The following ADAMTSL1 variants were observed in gnomAD, a reference collection of about 807,000 sequenced individuals.
The protein encoded by ADAMTSL1 is ADAMTS-like protein 1.
In ADAMTSL1, 126 loss-of-function variants were observed where a neutral mutation model predicts 201.8. The ratio of observed to expected loss-of-function variants is 0.62; its 90% CI spans 0.54 to 0.72. The LOEUF (loss-of-function observed/expected upper bound fraction) is 0.72. Ranked by LOEUF, ADAMTSL1 falls within the 30% of genes least tolerant of loss-of-function variation. The pLI is 0.00. For missense variants in ADAMTSL1, 2,679 were observed against 2,277.8 expected (o/e 1.18, Z -3.59); for synonymous variants, 1,121 against 903.4 (o/e 1.24, Z -4.32).
rs1002380715 is a variant in ADAMTSL1 at position 18,776,900 on chromosome 9, C to T, written c.2671C>T (p.Pro891Ser). 6.2e-7 allele frequency: 1 copy of T among 1,610,596 alleles called. No individual in the cohort carries two copies. Residue 891 changes from proline to serine, a missense_variant, in exon 19 of 29, where the codon CCC becomes TCC. By Grantham distance (74) the Pro-to-Ser change is moderately conservative. Coordinates refer to ENST00000380548, the MANE Select transcript of ADAMTSL1 (RefSeq NM_001040272.6). The stretch of plus-strand genomic sequence containing the variant: ...GGTGGGGGGCTTCGCCTACCTGCTC[C>T]CCAAGACGGCGGTGGTGCTGCGCTG... ...FVVGGFAYLL[P>S]KTAVVLRCPA...
chr9:18,123,542 C>G (rs895264098), intron 1 of ADAMTSL1, among the ~76,000 whole-genome samples: 2 of 152,128 alleles, frequency 1.3e-5, no homozygotes, highest in African/African-American at 4.8e-5. Context: ...ATTATTTATA[C>G]TCACATACAT....
Position 18,371,637 on chromosome 9 carries a change from G to A in ADAMTSL1, c.208-133192G>A, listed in dbSNP as rs118173123. On this transcript the variant is annotated intron_variant, in intron 2 of 29. Coordinates refer to the ADAMTSL1 transcript ENST00000680146. ...TAAAGTTATATCGAATAGGGTTTTA[G>A]AAGCATGAAATACATGCCCCTAAAA... 1.1e-3 allele frequency among the ~76,000 whole-genome samples: 160 copies of A among 152,270 alleles called. 2 individuals carry two copies. In the East Asian group the frequency reaches 0.03, roughly 29 times the overall value.
intron 15 of ADAMTSL1, among the ~76,000 whole-genome samples, chr9:18,741,389 G>A (rs1234958059): frequency 6.6e-6 from 1 of 152,102 alleles, no homozygotes; most frequent in African/African-American, 2.4e-5. Flanking sequence ...GGAAAGAGGA[G>A]GCAGAATCTT....
intron 3 of ADAMTSL1, among the ~76,000 whole-genome samples, chr9:18,555,373 T>A (rs951984840): frequency 2.6e-5 from 4 of 151,956 alleles, no homozygotes; most frequent in Non-Finnish European, 4.4e-5. Context: ...CCCAGCTGTG[T>A]ATTAACAATT....
chr9:18,323,720 A>T (rs1018212188), intron 2 of ADAMTSL1, among the ~76,000 whole-genome samples: 1 of 152,224 alleles, frequency 6.6e-6, no homozygotes, highest in African/African-American at 2.4e-5. Context: ...ATTTAAAAAT[A>T]CTTTTTTCAA....
intron 21 of ADAMTSL1, among the ~76,000 whole-genome samples, chr9:18,823,856 G>A (rs1235717198): frequency 1.3e-5 from 2 of 152,176 alleles, no homozygotes; most frequent in Non-Finnish European, 2.9e-5. Flanking sequence ...GGGCGTGGTG[G>A]TGCACGCCTG....
intron 7 of ADAMTSL1, among the ~76,000 whole-genome samples, chr9:18,650,144 A>C (rs1178848176): frequency 6.6e-6 from 1 of 152,052 alleles, no homozygotes; most frequent in Admixed American, 6.5e-5. Context: ...TTGATCTCTG[A>C]CTGCTTTGCT....
At chr9:18,502,668 A>T (rs1397990959) in intron 1 of ADAMTSL1, among the ~76,000 whole-genome samples, 1 of 152,206 alleles carries the variant, frequency 6.6e-6, no homozygotes, top group Admixed American at 6.5e-5. Context: ...GGGGTTACCA[A>T]GGTGGCTCCG....
At chr9:18,721,072 C>A (rs1833328761) in intron 14 of ADAMTSL1, among the ~76,000 whole-genome samples, 2 of 152,272 alleles carry the variant, frequency 1.3e-5, no homozygotes, top group South Asian at 4.1e-4. Flanking sequence ...CCTCAAGAGC[C>A]CAGCAGTTTA....
intron 1 of ADAMTSL1, among the ~76,000 whole-genome samples, chr9:18,491,755 T>C (rs1317474132): frequency 1.3e-5 from 2 of 152,178 alleles, no homozygotes; most frequent in Non-Finnish European, 2.9e-5. Context: ...AATATTTCTG[T>C]TGACTGGAAG....
chr9:18,734,119 G>A (rs957237954), intron 15 of ADAMTSL1, among the ~76,000 whole-genome samples: 21 of 152,176 alleles, frequency 1.4e-4, no homozygotes, highest in East Asian at 3.9e-4. Context: ...CAGGGCTTCA[G>A]TTTCTTCCTC....
At chr9:18,564,489 T>G (rs556378326) in intron 3 of ADAMTSL1, among the ~76,000 whole-genome samples, 6 of 152,156 alleles carry the variant, frequency 3.9e-5, no homozygotes, top group African/African-American at 1.4e-4. Context: ...CACTTGTAAA[T>G]AGAAACATAA....
At chr9:18,427,300 C>T (rs935975162) in intron 2 of ADAMTSL1, among the ~76,000 whole-genome samples, 9 of 152,192 alleles carry the variant, frequency 5.9e-5, no homozygotes, top group Admixed American at 3.9e-4. Flanking sequence ...AAGGGACATA[C>T]TCAGATGTGT....
intron 1 of ADAMTSL1, among the ~76,000 whole-genome samples, chr9:18,489,586 C>T (rs889807451): frequency 2.6e-5 from 4 of 152,136 alleles, no homozygotes; most frequent in Non-Finnish European, 4.4e-5. Flanking sequence ...AAATTAAAAC[C>T]TTCCTGAGCC....
intron 2 of ADAMTSL1, among the ~76,000 whole-genome samples, chr9:18,188,099 C>A (rs1015176631): frequency 6.6e-6 from 1 of 151,840 alleles, no homozygotes; most frequent in South Asian, 2.1e-4. Flanking sequence ...CCTTGAGGCA[C>A]AAAAAAAGAG....
At chr9:18,605,364 C>T (rs1824944779) in intron 4 of ADAMTSL1, among the ~76,000 whole-genome samples, 1 of 152,128 alleles carries the variant, frequency 6.6e-6, no homozygotes, top group Non-Finnish European at 1.5e-5. Context: ...CCAATTAGGA[C>T]CAAGCGCTGG....
chr9:18,812,545 C>G (rs890556510), intron 20 of ADAMTSL1, among the ~76,000 whole-genome samples: 2 of 152,126 alleles, frequency 1.3e-5, no homozygotes, highest in Non-Finnish European at 2.9e-5. Context: ...CTTAAACTTG[C>G]TATCAAAAGC....
intron 10 of ADAMTSL1, among the ~76,000 whole-genome samples, chr9:18,679,197 A>G (rs547646679): frequency 1.3e-5 from 2 of 152,316 alleles, no homozygotes; most frequent in East Asian, 3.9e-4. Context: ...TAATGTCTCA[A>G]TGGTGTGCCT....
intron 15 of ADAMTSL1, among the ~76,000 whole-genome samples, chr9:18,729,717 G>A (rs888133360): frequency 3.9e-5 from 6 of 152,124 alleles, no homozygotes; most frequent in Admixed American, 1.3e-4. Flanking sequence ...TTTGTTCCCT[G>A]CAGCAGCCAA....
Sources: allele counts gnomAD v4.1 joint callset (sites outside exome capture counted in the v4.1 genomes callset), GRCh38; gene constraint gnomAD v4.1.1; transcripts MANE v1.5; gene names NCBI Gene and HGNC (gene_info 2026-07-23, HGNC 2026-07-21).